The following APBA1 variants were observed in gnomAD, a reference collection of about 807,000 sequenced individuals.
APBA1 encodes the protein amyloid beta precursor protein binding family A member 1.
A neutral mutation model predicts 86.6 loss-of-function variants in APBA1; 55 were observed. The ratio of observed to expected loss-of-function variants is 0.64; its 90% CI spans 0.51 to 0.80. The LOEUF (loss-of-function observed/expected upper bound fraction) is 0.80. Ranked by LOEUF, APBA1 falls within the 30% of genes least tolerant of loss-of-function variation. APBA1 has a pLI of 0.00. For missense variants in APBA1, 1,090 were observed against 1,183.0 expected, an observed-to-expected ratio of 0.92 and a Z score of 1.15; for synonymous variants, 511 against 493.9, an observed-to-expected ratio of 1.03 and a Z score of -0.46.
intron 1 of APBA1, among the ~76,000 whole-genome samples, chr9:69,605,897 A>C (rs1377114156): frequency 2.0e-5 from 3 of 152,264 alleles, no homozygotes. Context: ...TAAGCAATCA[A>C]CATGTATTTA....
Position 69,452,286 on chromosome 9 carries a change from G to A in APBA1, c.1804C>T (p.Gln602Ter). The change falls in exon 9 of 13, where the codon CAG becomes TAG. Residue 602 changes from glutamine to a stop codon, truncating the protein, a stop_gained. Transcript: ENST00000265381. LOFTEE classifies it high-confidence loss of function. The stretch of plus-strand genomic sequence containing the variant: ...ACGCTAAATGCCTGTCCGATGGACT[G>A]TGCAATCAGCTGAGCCTGGAACAGC... ...FESEDAQLIA[Q>*]SIGQAFSVAY... 6.2e-7 allele frequency: 1 copy of A among 1,614,178 alleles called. No individual in the cohort carries two copies. Among genetic ancestry groups the A allele is most frequent in the Non-Finnish European group, 8.5e-7 (1 of 1,180,014 alleles).
At position 69,428,734 on chromosome 9, in the gene APBA1, A is replaced by G. The variant is rs1185584883; in HGVS notation, c.*2593T>C. 6.6e-6 allele frequency: 1 copy of G among 152,240 alleles called. No individual in the cohort carries two copies. The highest frequency in any genetic ancestry group is 2.4e-5 in the African/African-American group (1 of 41,468). The allele number at this position is 152,240 out of a possible 1,614,324, so 9.4% of individuals were successfully genotyped here. A position where few individuals can be genotyped will look rare whatever the true frequency, so the allele number is the denominator to read the frequency against. ...CAAAAAATCTAGCGACTTGCTTTTA[A>G]GACTGTGGCTGCTGAGGTGACCATA... On this transcript the variant is annotated 3_prime_UTR_variant, in exon 13 of 13. Coordinates refer to ENST00000265381, the MANE Select transcript of APBA1 (RefSeq NM_001163.4).
intron 1 of APBA1, among the ~76,000 whole-genome samples, chr9:69,534,978 C>T (rs573251242): frequency 4.6e-5 from 7 of 151,986 alleles, no homozygotes; most frequent in South Asian, 2.1e-4. Flanking sequence ...CTTCTTTTTC[C>T]GTAAATGACA....
In APBA1 at chr9:69,517,055, C is replaced by A; in HGVS notation, c.156G>T (p.Gln52His). The change falls in exon 2 of 13, where the codon CAG becomes CAT. Residue 52 changes from glutamine to histidine, a missense_variant. Gln to His is a conservative substitution (Grantham distance 24). This residue lies in a region of APBA1 where 678 missense variants were observed against 647.1 expected (regional missense o/e 1.05). Transcript: ENST00000265381. ...PQQQHYVGRH[Q>H]RGRALEDLRA... ...GGAGGTCCTCGAGGGCTCGCCCGCG[C>A]TGGTGGCGGCCCACATAGTGCTGCT... 2 of 1,583,320 alleles carry A rather than the reference C, an allele frequency of 1.3e-6. No homozygotes were observed. The highest frequency in any genetic ancestry group is 1.1e-5 in the South Asian group (1 of 88,172).
intron 1 of APBA1, among the ~76,000 whole-genome samples, chr9:69,552,606 A>G (rs1246059136): frequency 6.6e-6 from 1 of 152,216 alleles, no homozygotes; most frequent in Non-Finnish European, 1.5e-5. Context: ...TTCAACACAG[A>G]TACGCTGTCT....
At chr9:69,485,615 A>T (rs1835596249) in intron 2 of APBA1, among the ~76,000 whole-genome samples, 2 of 152,110 alleles carry the variant, frequency 1.3e-5, no homozygotes. Flanking sequence ...ATGCAAATGC[A>T]GGGTCAGGAG....
intron 1 of APBA1, among the ~76,000 whole-genome samples, chr9:69,589,774 T>C (rs1822092319): frequency 6.6e-6 from 1 of 152,188 alleles, no homozygotes; most frequent in African/African-American, 2.4e-5. Flanking sequence ...TAAACTGGGA[T>C]TGGCTTTTCT....
intron 2 of APBA1, among the ~76,000 whole-genome samples, chr9:69,493,347 T>C (rs937124089): frequency 2.6e-5 from 4 of 152,126 alleles, no homozygotes; most frequent in African/African-American, 7.2e-5. Flanking sequence ...TCACCTGCGT[T>C]TCTGCTCAGC....
intron 1 of APBA1, among the ~76,000 whole-genome samples, chr9:69,584,551 C>T (rs1029198076): frequency 2.0e-5 from 3 of 152,166 alleles, no homozygotes; most frequent in African/African-American, 4.8e-5. Flanking sequence ...TCCAACTTCT[C>T]CACAGGCAAA....
At chr9:69,650,580 G>C (rs1823479414) in intron 1 of APBA1, among the ~76,000 whole-genome samples, 1 of 152,204 alleles carries the variant, frequency 6.6e-6, no homozygotes, top group Non-Finnish European at 1.5e-5. Flanking sequence ...TCTTAACAGA[G>C]TGTGACAAAA....
chr9:69,538,059 G>GA (rs891202898), intron 1 of APBA1, among the ~76,000 whole-genome samples: 25 of 148,366 alleles, frequency 1.7e-4, no homozygotes, highest in South Asian at 1.3e-3. Flanking sequence ...CTGGAGCCTT[G>GA]AAAAAAAAAT....
intron 1 of APBA1, among the ~76,000 whole-genome samples, chr9:69,664,047 A>G (rs939613506): frequency 2.0e-5 from 3 of 152,206 alleles, no homozygotes; most frequent in African/African-American, 7.2e-5. Context: ...ACCATGAAAA[A>G]ACATATTACC....
chr9:69,612,555 T>C (rs887113858), intron 1 of APBA1, among the ~76,000 whole-genome samples: 14 of 152,022 alleles, frequency 9.2e-5, no homozygotes, highest in Non-Finnish European at 1.9e-4. Context: ...ATAGGAAATG[T>C]TGCTAAAAAT....
intron 1 of APBA1, among the ~76,000 whole-genome samples, chr9:69,567,977 A>T (rs1049260457): frequency 6.6e-6 from 1 of 152,194 alleles, no homozygotes. Context: ...CTTCATCCCC[A>T]GAAAACTCCC....
In APBA1 at chr9:69,483,953, T is replaced by G. The variant is rs531564519; in HGVS notation, c.1201-7810A>C. The stretch of plus-strand genomic sequence containing the variant: ...ATTTAGCTCTCTGGCTGACTCCAAA[T>G]TAATGTAGTAAAGTCTTCATGAGAA... On this transcript the variant is annotated intron_variant, in intron 2 of 12. Coordinates refer to ENST00000265381, the MANE Select transcript of APBA1 (RefSeq NM_001163.4). Among the ~76,000 whole-genome samples the G allele has an allele frequency of 5.9e-5, 9 of 152,222 alleles. No individual in the cohort carries two copies. The South Asian group carries it at 8.3e-4, about 14-fold the overall frequency.
intron 1 of APBA1, among the ~76,000 whole-genome samples, chr9:69,522,552 G>C (rs966231149): frequency 6.6e-6 from 1 of 152,186 alleles, no homozygotes; most frequent in African/African-American, 2.4e-5. Context: ...GCAAGGCAAA[G>C]GGGATGTAAA....
chr9:69,659,958 A>G (rs73453583), intron 1 of APBA1, among the ~76,000 whole-genome samples: 6,543 of 152,254 alleles, frequency 0.043, 193 homozygotes, highest in African/African-American at 0.076. Context: ...ACTGTTAGTG[A>G]TTTTGGTCCC....
Position 69,672,219 on chromosome 9 carries a change from G to C in APBA1, c.-136C>G, listed in dbSNP as rs1398319563. On this transcript the variant is annotated 5_prime_UTR_variant, in exon 1 of 13. Coordinates refer to ENST00000265381, the MANE Select transcript of APBA1 (RefSeq NM_001163.4). ...GCGCTAGTGACAGCGCTGGTGCCAA[G>C]CCTGGGAATAAAGCTCCGCTCCAGC... The C allele has an allele frequency of 6.4e-6, 1 of 156,446 alleles. No homozygotes were observed. Among genetic ancestry groups the C allele is most frequent in the African/African-American group, 2.4e-5 (1 of 41,418 alleles). The allele number at this position is 156,446 out of a possible 1,614,324, so 9.7% of individuals were successfully genotyped here. A position where few individuals can be genotyped will look rare whatever the true frequency, so the allele number is the denominator to read the frequency against.
chr9:69,571,944 T>C (rs1837120850), intron 1 of APBA1, among the ~76,000 whole-genome samples: 1 of 152,020 alleles, frequency 6.6e-6, no homozygotes, highest in South Asian at 2.1e-4. Flanking sequence ...GGCATAGGAG[T>C]GGGATGTTCT....
Sources: allele counts gnomAD v4.1 joint callset (sites outside exome capture counted in the v4.1 genomes callset), GRCh38; gene constraint gnomAD v4.1.1; regional missense constraint gnomAD v4.1.1; transcripts MANE v1.5; gene names NCBI Gene and HGNC (gene_info 2026-07-23, HGNC 2026-07-21).